GID4: variants seen among roughly 807,000 people sequenced by gnomAD.
GID4 encodes the protein GID complex subunit 4 homolog, also known as glucose-induced degradation protein 4 homolog.
In GID4, 7 loss-of-function variants were observed where a neutral mutation model predicts 32.4. That is an observed-to-expected ratio of 0.22 (90% CI 0.12 to 0.41). GID4 has a LOEUF of 0.41. Among genes scored for constraint, GID4 ranks in the 10% least tolerant of loss-of-function variants. The pLI is 1.00. For missense variants in GID4, 309 were observed against 400.0 expected (o/e 0.77, Z 1.94); for synonymous variants, 166 against 170.0 (o/e 0.98, Z 0.18).
chr17:18,041,055 C>G (rs547553269), intron 1 of GID4, among the ~76,000 whole-genome samples: 2 of 152,184 alleles, frequency 1.3e-5, no homozygotes, highest in East Asian at 3.9e-4. Flanking sequence ...CTCCTCTATA[C>G]CTACCCCTGC....
chr17:18,046,294 G>C (rs1036451544), intron 2 of GID4, among the ~76,000 whole-genome samples: 1 of 152,150 alleles, frequency 6.6e-6, no homozygotes, highest in Non-Finnish European at 1.5e-5. Context: ...CCTCATCTGC[G>C]AAGTTGAGAA....
At chr17:18,054,313 C>G (rs2044943783) in intron 3 of GID4, 79 bp downstream of exon 3, 2 of 887,916 alleles carry the variant, frequency 2.3e-6, no homozygotes, top group African/African-American at 1.7e-5. Flanking sequence ...GAGACCTTGT[C>G]CCTTATTGAG....
rs1438992701 is a variant in GID4 at position 18,067,584 on chromosome 17, C to T, written c.*2341C>T. 1 of 152,620 alleles carries T rather than the reference C, an allele frequency of 6.6e-6. No individual in the cohort carries two copies. Among genetic ancestry groups the T allele is most frequent in the African/African-American group, 2.4e-5 (1 of 41,432 alleles). The allele number at this position is 152,620 out of a possible 1,614,324, so 9.5% of individuals were successfully genotyped here. A position where few individuals can be genotyped will look rare whatever the true frequency, so the allele number is the denominator to read the frequency against. ...AAAGGATTAAGGATTTTTCCACCTC[C>T]TCTTAGTAACTCCTGAATTACCAAC... is the stretch of plus-strand genomic sequence containing the variant. On this transcript the variant is annotated 3_prime_UTR_variant, in exon 6 of 6. Coordinates refer to ENST00000268719, the MANE Select transcript of GID4 (RefSeq NM_024052.5).
rs545860028 is a variant in GID4 at position 18,067,723 on chromosome 17, T to C, written c.*2480T>C. Reference sequence around the variant, plus strand: ...CATGCCTCTGAAACTATGTGCAATATTTTTGGTTGACACTTGTATCCATCC... The same window carrying C: ...CATGCCTCTGAAACTATGTGCAATACTTTTGGTTGACACTTGTATCCATCC... On this transcript the variant is annotated 3_prime_UTR_variant, in exon 6 of 6. Transcript: ENST00000268719. 1 of 152,790 alleles carries C rather than the reference T, an allele frequency of 6.5e-6. No individual in the cohort carries two copies. Among genetic ancestry groups the C allele is most frequent in the South Asian group, 2.1e-4 (1 of 4,834 alleles). The allele number at this position is 152,790 out of a possible 1,614,324, so 9.5% of individuals were successfully genotyped here. A position where few individuals can be genotyped will look rare whatever the true frequency, so the allele number is the denominator to read the frequency against.
intron 2 of GID4, among the ~76,000 whole-genome samples, chr17:18,045,848 T>TCAC (rs1004813856): frequency 7.2e-6 from 1 of 137,958 alleles, no homozygotes; most frequent in Non-Finnish European, 1.5e-5. Context: ...TGAGCCAAGA[T>TCAC]CACCATGCAC....
At position 18,039,709 on chromosome 17, in the gene GID4, C is replaced by T. The variant is rs1330174550; in HGVS notation, c.245C>T (p.Pro82Leu). The T allele has an allele frequency of 1.3e-5, 20 of 1,487,254 alleles. No individual in the cohort carries two copies. The highest frequency in any genetic ancestry group is 8.7e-5 in the African/African-American group (6 of 68,718). The allele number at this position is 1,487,254 out of a possible 1,614,324, so 92.1% of individuals were successfully genotyped here. A position where few individuals can be genotyped will look rare whatever the true frequency, so the allele number is the denominator to read the frequency against. Residue 82 changes from proline (P) to leucine (L), a missense_variant, in exon 1 of 6, where the codon CCC becomes CTC. Pro to Leu is a moderately conservative substitution (Grantham distance 98). This residue lies in a region of GID4 where 193 missense variants were observed against 185.8 expected (regional missense o/e 1.04). Coordinates refer to ENST00000268719, the MANE Select transcript of GID4 (RefSeq NM_024052.5). This position sits in a 1 kb window ranked among gnomAD's most constrained non-coding sequence, Gnocchi z 5.3. Reference sequence around the variant, plus strand: ...CCCCCAGCCCTGGCTCCGGGGGACCCCGCGATGCCGGTCCGCACCGAGTGT... The same window carrying T: ...CCCCCAGCCCTGGCTCCGGGGGACCTCGCGATGCCGGTCCGCACCGAGTGT... ...PLPPALAPGD[P>L]AMPVRTECPP...
In GID4 at chr17:18,042,278, T is replaced by G. The variant is rs551604196; in HGVS notation, c.438+2376T>G. Among the ~76,000 whole-genome samples the G allele has an allele frequency of 1.6e-3, 240 of 152,352 alleles. 2 individuals are homozygous for G. Among genetic ancestry groups the G allele is most frequent in the Non-Finnish European group, 2.4e-3 (164 of 68,030 alleles). On this transcript the variant is annotated intron_variant, in intron 1 of 5. Coordinates refer to ENST00000268719, the MANE Select transcript of GID4 (RefSeq NM_024052.5). ...ACAACCTAATTTTAGAATATTTTCA[T>G]CACCCCAAAAGGAAACCTTGTATGT...
At position 18,058,972 on chromosome 17, in the gene GID4, A is replaced by G. The variant is rs567708732; in HGVS notation, c.708+3A>G. ...ACTACGTCTTCATGAGGTGGAAGGTAAGTTCCCACCAGGTGGCCCTCCAGA... is the reference window on the plus strand; with the variant it reads ...ACTACGTCTTCATGAGGTGGAAGGTGAGTTCCCACCAGGTGGCCCTCCAGA... On this transcript the variant is annotated splice_donor_region_variant and intron_variant, in intron 4 of 5. Coordinates refer to ENST00000268719, the MANE Select transcript of GID4 (RefSeq NM_024052.5). 4 of 1,581,186 alleles carry G rather than the reference A, an allele frequency of 2.5e-6. No individual in the cohort carries two copies. The highest frequency in any genetic ancestry group is 3.3e-5 in the Admixed American group (2 of 59,990).
chr17:18,062,073 C>G, intron 5 of GID4, 98 bp downstream of exon 5: 1 of 1,163,746 alleles, frequency 8.6e-7, no homozygotes, highest in South Asian at 1.3e-5. Context: ...TAGCCTGTCT[C>G]TGTATAGATT....
At chr17:18,040,888 A>G (rs2044793197) in intron 1 of GID4, among the ~76,000 whole-genome samples, 1 of 152,130 alleles carries the variant, frequency 6.6e-6, no homozygotes, top group African/African-American at 2.4e-5. Context: ...GGATTCCTGA[A>G]TACCTGCTGC....
At chr17:18,059,245 T>G (rs1238848596) in intron 4 of GID4, among the ~76,000 whole-genome samples, 1 of 152,192 alleles carries the variant, frequency 6.6e-6, no homozygotes, top group Non-Finnish European at 1.5e-5. Flanking sequence ...CCTCTAACAT[T>G]GTCTTCTCCC....
At chr17:18,049,978 AT>A (rs769871156) in intron 2 of GID4, among the ~76,000 whole-genome samples, 12 of 152,200 alleles carry the variant, frequency 7.9e-5, no homozygotes, top group Non-Finnish European at 1.3e-4. Context: ...TAAGGGCAGT[AT>A]TTGGTTTTCT....
chr17:18,052,787 C>A (rs186112316), intron 2 of GID4, among the ~76,000 whole-genome samples: 1 of 152,142 alleles, frequency 6.6e-6, no homozygotes, highest in Non-Finnish European at 1.5e-5. Flanking sequence ...ACGTTTTCCA[C>A]GGTGTGGTTT....
chr17:18,059,460 A>G (rs2044999715), intron 4 of GID4, among the ~76,000 whole-genome samples: 2 of 152,054 alleles, frequency 1.3e-5, no homozygotes, highest in African/African-American at 2.4e-5. Flanking sequence ...CACCTCCTCT[A>G]CTTCCCTCCA....
chr17:18,052,830 C>T (rs1399519919), intron 2 of GID4, among the ~76,000 whole-genome samples: 1 of 151,974 alleles, frequency 6.6e-6, no homozygotes, highest in African/African-American at 2.4e-5. Flanking sequence ...TATGTTTTTC[C>T]TCATATAAAT....
At chr17:18,059,969 G>A (rs2045003987) in intron 4 of GID4, among the ~76,000 whole-genome samples, 2 of 150,994 alleles carry the variant, frequency 1.3e-5, no homozygotes, top group African/African-American at 4.9e-5. Context: ...CCCTGTAGTC[G>A]CAGCTACTCA....
intron 3 of GID4, 32 bp from the exon 4 acceptor site, chr17:18,058,832 CTCAG>C (rs756360997): frequency 7.6e-7 from 1 of 1,309,634 alleles, no homozygotes; most frequent in South Asian, 1.2e-5. Context: ...CTCTCCTTCT[CTCAG>C]TCAATCGGCA....
At chr17:18,052,886 C>G (rs1044248057) in intron 2 of GID4, among the ~76,000 whole-genome samples, 3 of 151,926 alleles carry the variant, frequency 2.0e-5, no homozygotes, top group African/African-American at 7.3e-5. Context: ...GTTCTTAGTT[C>G]ATGTGACAGA....
At chr17:18,047,195 T>A (rs2044862926) in intron 2 of GID4, among the ~76,000 whole-genome samples, 4 of 152,204 alleles carry the variant, frequency 2.6e-5, no homozygotes, top group Admixed American at 2.6e-4. Flanking sequence ...TCGAGAATTG[T>A]ATCAAATCAA....
Sources: allele counts gnomAD v4.1 joint callset (sites outside exome capture counted in the v4.1 genomes callset), GRCh38; gene constraint gnomAD v4.1.1; regional missense constraint gnomAD v4.1.1; non-coding constraint Gnocchi (gnomAD v3.1); transcripts MANE v1.5; gene names NCBI Gene and HGNC (gene_info 2026-07-23, HGNC 2026-07-21).